The following TTC9C variants were observed in gnomAD, a reference collection of about 807,000 sequenced individuals.
TTC9C encodes tetratricopeptide repeat domain 9C, also known as tetratricopeptide repeat protein 9C.
A neutral mutation model predicts 22.5 loss-of-function variants in TTC9C; 15 were observed. The ratio of observed to expected loss-of-function variants is 0.67; its 90% CI spans 0.45 to 1.03. The LOEUF is 1.03. TTC9C is among the 50% of genes least tolerant of loss of function. TTC9C has a pLI of 0.00. For synonymous variants in TTC9C, 92 were observed against 86.8 expected (o/e 1.06, Z -0.33); for missense variants, 244 against 214.6 (o/e 1.14, Z -0.86).
chr11:62,735,523 C>G lies in TTC9C; in HGVS notation c.380C>G (p.Ala127Gly), dbSNP rs1316669139. ...TTCCATCTGCAGGACTATGACCAGG[C>G]CCGCCACTACCTCCTGGCTGCCGTG... ...AFFHLQDYDQ[A>G]RHYLLAAVNR... The change falls in exon 2 of 3, where the codon GCC (alanine) becomes GGC (glycine). Residue 127 changes from alanine (A) to glycine (G), a missense_variant. Physicochemically the swap from Ala to Gly is moderately conservative, Grantham distance 60. Transcript: ENST00000316461. 6.2e-7 allele frequency: 1 copy of G among 1,613,588 alleles called. No individual in the cohort carries two copies. Among genetic ancestry groups the G allele is most frequent in the East Asian group, 2.2e-5 (1 of 44,888 alleles).
At chr11:62,733,050 C>G (rs1590912095) in intron 1 of TTC9C, 1 of 931,986 alleles carries the variant, frequency 1.1e-6, no homozygotes, top group Non-Finnish European at 1.5e-6. Flanking sequence ...CTTTAATGTG[C>G]TCATCACTGC....
chr11:62,733,731 C>T (rs772150296), intron 1 of TTC9C, among the ~76,000 whole-genome samples: 6 of 151,922 alleles, frequency 3.9e-5, no homozygotes, highest in Non-Finnish European at 5.9e-5. Flanking sequence ...CAGTGACTCA[C>T]GCCTGTAATC....
chr11:62,733,996 AAATAAT>A (rs879858271), intron 1 of TTC9C, among the ~76,000 whole-genome samples: 10 of 151,408 alleles, frequency 6.6e-5, no homozygotes, highest in Non-Finnish European at 1.2e-4. Flanking sequence ...CCATCTCAAA[AAATAAT>A]AATAATAATG....
intron 2 of TTC9C, 46 bp from the exon 3 acceptor site, chr11:62,738,242 T>C (rs2083933424): frequency 8.0e-7 from 1 of 1,253,930 alleles, no homozygotes; most frequent in Non-Finnish European, 1.2e-6. Flanking sequence ...ATTATGGTCT[T>C]AACTGACTCT....
In TTC9C at chr11:62,728,573, C is replaced by T. The variant is rs1411323710; in HGVS notation, c.-276C>T. ...GAAAGTCTCATCCACCCCCACATCG[C>T]CTCTTTAGGAAGTCACTTAATGTTG... On this transcript the variant is annotated 5_prime_UTR_variant, in exon 1 of 3. Coordinates refer to ENST00000316461, the MANE Select transcript of TTC9C (RefSeq NM_173810.4). The T allele has an allele frequency of 1.8e-6, 1 of 561,426 alleles. No homozygotes were observed. Among genetic ancestry groups the T allele is most frequent in the Non-Finnish European group, 3.4e-6 (1 of 295,822 alleles). The allele number at this position is 561,426 out of a possible 1,614,324, so 34.8% of individuals were successfully genotyped here. A position where few individuals can be genotyped will look rare whatever the true frequency, so the allele number is the denominator to read the frequency against.
chr11:62,728,255 C>G (rs1044305553), upstream of TTC9C: 8 of 338,386 alleles, frequency 2.4e-5, no homozygotes, highest in Non-Finnish European at 4.0e-5. Flanking sequence ...GGGCGAGGAA[C>G]TGGTCACGGC....
Position 62,735,485 on chromosome 11 carries a change from C to T in TTC9C, c.342C>T (p.Ala114=), listed in dbSNP as rs777735013. 35 of 1,613,758 alleles carry T rather than the reference C, an allele frequency of 2.2e-5. No homozygotes were observed. Among genetic ancestry groups the T allele is most frequent in the Middle Eastern group, 1.7e-4 (1 of 5,924 alleles). The change falls in exon 2 of 3, where the codon GCC becomes GCT. Residue 114 remains alanine, a synonymous_variant. Transcript: ENST00000316461. ...ATAATGCCAAGGCCTTGTATCGGGC[C>T]GGAGTGGCCTTTTTCCATCTGCAGG... ...QPDNAKALYR[A]GVAFFHLQDY... is the part of the protein sequence containing the mutation.
chr11:62,735,941 T>C (rs2083906732), intron 2 of TTC9C: 1 of 152,412 alleles, frequency 6.6e-6, no homozygotes, highest in African/African-American at 2.4e-5. Flanking sequence ...CATGAATATA[T>C]ATATAAAATA....
In TTC9C at chr11:62,729,044, A is replaced by G. The variant is rs1055794686; in HGVS notation, c.196A>G (p.Ile66Val). The G allele has an allele frequency of 1.3e-5, 21 of 1,614,018 alleles. No individual in the cohort carries two copies. Among genetic ancestry groups the G allele is most frequent in the Admixed American group, 1.7e-5 (1 of 59,982 alleles). ...GPALTPEQEN[I>V]LHTTQTDCYN... is the part of the protein sequence containing the mutation. Reference sequence around the variant, plus strand: ...GGCCCTCACGCCTGAACAAGAAAACATATTGCATACCACCCAGACAGACTG... The same window carrying G: ...GGCCCTCACGCCTGAACAAGAAAACGTATTGCATACCACCCAGACAGACTG... The change falls in exon 1 of 3, where the codon ATA becomes GTA. Residue 66 changes from isoleucine (I) to valine (V), a missense_variant. Coordinates refer to ENST00000316461, the MANE Select transcript of TTC9C (RefSeq NM_173810.4).
chr11:62,730,865 G>A (rs930314892), intron 1 of TTC9C, among the ~76,000 whole-genome samples: 10 of 151,216 alleles, frequency 6.6e-5, no homozygotes, highest in East Asian at 3.9e-4. Context: ...GAGCCACCAC[G>A]CCTGGCCTTA....
At position 62,738,277 on chromosome 11, in the gene TTC9C, C is replaced by T. The variant is rs749724758; in HGVS notation, c.422-11C>T. On this transcript the variant is annotated splice_polypyrimidine_tract_variant and intron_variant, in intron 2 of 2. Transcript: ENST00000316461. ...TAACTGTTTCTAATTGCTTCTCCATCATCTTCCAAGATGCCAACGTCCGGC... is the reference window on the plus strand; with the variant it reads ...TAACTGTTTCTAATTGCTTCTCCATTATCTTCCAAGATGCCAACGTCCGGC... 13 of 1,587,486 alleles carry T rather than the reference C, an allele frequency of 8.2e-6. No homozygotes were observed. Among genetic ancestry groups the T allele is most frequent in the Middle Eastern group, 1.7e-4 (1 of 6,040 alleles).
chr11:62,734,410 G>A (rs1320481973), intron 1 of TTC9C, among the ~76,000 whole-genome samples: 2 of 151,802 alleles, frequency 1.3e-5, no homozygotes, highest in East Asian at 3.9e-4. Context: ...GAACAGCCTG[G>A]CCAACATGGT....
chr11:62,732,612 C>CAAA (rs34178732), intron 1 of TTC9C, among the ~76,000 whole-genome samples: 2 of 138,648 alleles, frequency 1.4e-5, no homozygotes, highest in African/African-American at 2.7e-5. Flanking sequence ...AACTCCGTCT[C>CAAA]AAAAAAAAAA....
In TTC9C at chr11:62,731,667, C is replaced by T. The variant is rs528091470; in HGVS notation, c.238+2581C>T. ...CTCTGACTTCATTCATTCTCTGTCCCGACATAGTTTTATTTTTCTTAAAGC... is the reference window on the plus strand; with the variant it reads ...CTCTGACTTCATTCATTCTCTGTCCTGACATAGTTTTATTTTTCTTAAAGC... On this transcript the variant is annotated intron_variant, in intron 1 of 2. Transcript: ENST00000316461. 2.6e-4 allele frequency among the ~76,000 whole-genome samples: 40 copies of T among 151,772 alleles called. 1 individual carries two copies. Among genetic ancestry groups the T allele is most frequent in the Non-Finnish European group, 3.4e-4 (23 of 67,936 alleles).
At chr11:62,731,587 T>TA (rs1554990579) in intron 1 of TTC9C, among the ~76,000 whole-genome samples, 1 of 151,984 alleles carries the variant, frequency 6.6e-6, no homozygotes, top group African/African-American at 2.4e-5. Flanking sequence ...ACAGAGCAAG[T>TA]AAGACTCTGT....
At chr11:62,731,728 C>T (rs935518875) in intron 1 of TTC9C, among the ~76,000 whole-genome samples, 1 of 150,584 alleles carries the variant, frequency 6.6e-6, no homozygotes, top group East Asian at 1.9e-4. Context: ...CTTGCTCTGT[C>T]GCCCAGGCTG....
intron 2 of TTC9C, chr11:62,736,080 A>T (rs1316155707): frequency 6.6e-6 from 1 of 151,448 alleles, no homozygotes; most frequent in Non-Finnish European, 1.5e-5. Flanking sequence ...TCTACTAAAA[A>T]TACAAAATTA....
At chr11:62,733,052 C>G in intron 1 of TTC9C, 1 of 958,958 alleles carries the variant, frequency 1.0e-6, no homozygotes, top group Admixed American at 2.4e-5. Context: ...TTAATGTGCT[C>G]ATCACTGCTG....
chr11:62,731,519 C>T (rs1412330481), intron 1 of TTC9C, among the ~76,000 whole-genome samples: 1 of 152,082 alleles, frequency 6.6e-6, no homozygotes, highest in African/African-American at 2.4e-5. Context: ...ATGTCTTGAG[C>T]ATGGGAGGCC....
Sources: gnomAD v4.1 joint callset for allele counts (sites outside exome capture counted in the v4.1 genomes callset) on GRCh38, gnomAD v4.1.1 for gene constraint, MANE v1.5 for transcripts, NCBI Gene and HGNC (gene_info 2026-07-23, HGNC 2026-07-21) for gene names.